The following GPSM1 variants were observed in gnomAD, a reference collection of about 807,000 sequenced individuals.
GPSM1 encodes G protein signaling modulator 1.
In GPSM1, 48 loss-of-function variants were observed where a neutral mutation model predicts 70.5. The ratio of observed to expected loss-of-function variants is 0.68; its 90% confidence interval spans 0.54 to 0.87. GPSM1 has a LOEUF of 0.87. GPSM1 is among the 40% of genes least tolerant of loss of function. GPSM1 has a pLI of 0.00. For missense variants in GPSM1, 981 were observed against 972.6 expected, an observed-to-expected ratio of 1.01 and a Z score of -0.11; for synonymous variants, 416 against 430.1, an observed-to-expected ratio of 0.97 and a Z score of 0.41.
At chr9:136,351,874 G>A (rs1324792907) in intron 11 of GPSM1, among the ~76,000 whole-genome samples, 1 of 152,258 alleles carries the variant, frequency 6.6e-6, no homozygotes, top group Non-Finnish European at 1.5e-5. Flanking sequence ...GTACCTCCGA[G>A]TAAGGACCGT....
intron 11 of GPSM1, chr9:136,353,203 A>C: frequency 1.4e-6 from 1 of 690,988 alleles, no homozygotes; most frequent in Non-Finnish European, 1.8e-6. Flanking sequence ...CTGAGGGAGC[A>C]CACGGGCCTC....
At chr9:136,329,943 G>A (rs1182034845) in intron 1 of GPSM1, among the ~76,000 whole-genome samples, 1 of 150,152 alleles carries the variant, frequency 6.7e-6, no homozygotes, top group Non-Finnish European at 1.5e-5. Flanking sequence ...GTGCTGGGTC[G>A]GTGGGGACGG....
In GPSM1 at chr9:136,340,112, G is replaced by A. The variant is rs1437417521; in HGVS notation, c.1083+297G>A. Among the ~76,000 whole-genome samples, 2 of 152,184 alleles carry A rather than the reference G, an allele frequency of 1.3e-5. No individual in the cohort carries two copies. Among genetic ancestry groups the A allele is most frequent in the East Asian group, 1.9e-4 (1 of 5,194 alleles). Reference sequence around the variant, plus strand: ...AGCGCCCTCCTACTGTGGTCAGGGCGGAACATCACAGATGAACTGTGGGCC... The same window carrying A: ...AGCGCCCTCCTACTGTGGTCAGGGCAGAACATCACAGATGAACTGTGGGCC... On this transcript the variant is annotated intron_variant, in intron 8 of 13. Coordinates refer to ENST00000440944, the MANE Select transcript of GPSM1 (RefSeq NM_001145638.3). The surrounding 1 kb of genome is among the most constrained non-coding windows in gnomAD (Gnocchi z 7.3).
At chr9:136,333,190 G>A (rs1276996486) in intron 1 of GPSM1, among the ~76,000 whole-genome samples, 7 of 152,308 alleles carry the variant, frequency 4.6e-5, no homozygotes, top group Middle Eastern at 3.4e-3. Flanking sequence ...CCCAAGCTGC[G>A]CCCTTGCTGA....
chr9:136,349,618 A>C lies in GPSM1; in HGVS notation c.1310A>C (p.Asp437Ala). 6.5e-7 allele frequency: 1 copy of C among 1,550,332 alleles called. No individual in the cohort carries two copies. Among genetic ancestry groups the C allele is most frequent in the Non-Finnish European group, 8.7e-7 (1 of 1,146,804 alleles). Residue 437 changes from aspartate to alanine, a missense_variant, in exon 11 of 14, where the codon GAC becomes GCC. Asp to Ala is a moderately radical substitution (Grantham distance 126). Coordinates refer to ENST00000440944, the MANE Select transcript of GPSM1 (RefSeq NM_001145638.3). Reference sequence around the variant, plus strand: ...AATGGAGACAGCCACCATTCAGGGGACTGGCGGGGGCCCAGCAGGGACTCG... The same window carrying C: ...AATGGAGACAGCCACCATTCAGGGGCCTGGCGGGGGCCCAGCAGGGACTCG... ...EQNGDSHHSG[D>A]WRGPSRDSLP...
chr9:136,337,395 G>A (rs782569792), intron 4 of GPSM1, 46 bp from the exon 5 acceptor site: 10 of 1,556,802 alleles, frequency 6.4e-6, no homozygotes, highest in Non-Finnish European at 8.7e-6. Context: ...GGGTGGGTGA[G>A]GACATGGGCT....
intron 9 of GPSM1, among the ~76,000 whole-genome samples, chr9:136,345,934 G>A (rs571649758): frequency 1.0e-3 from 154 of 152,306 alleles, no homozygotes; most frequent in African/African-American, 3.6e-3. Flanking sequence ...TGCACCACCC[G>A]AGGCTGGGGC....
At chr9:136,353,282 G>T (rs1249426408) in intron 11 of GPSM1, 2 of 179,412 alleles carry the variant, frequency 1.1e-5, no homozygotes, top group Non-Finnish European at 2.1e-5. Flanking sequence ...CTGGGCTTGT[G>T]CCAAAGCAAG....
rs782059485 is a variant in GPSM1, at chr9:136,327,713, G to C, written c.18G>C (p.Pro6=). 4,904 of 1,167,440 alleles carry C rather than the reference G, an allele frequency of 4.2e-3. 17 individuals are homozygous for C. Among genetic ancestry groups the C allele is most frequent in the Non-Finnish European group, 4.9e-3 (4,636 of 947,916 alleles). 72.3% of individuals were successfully genotyped at this position (1,167,440 alleles called of 1,614,324 possible). Residue 6 remains proline (P), a synonymous_variant, in exon 1 of 14, where the codon CCG becomes CCC. Transcript: ENST00000440944. MAGPA[P]PAADELPGPA... is the part of the protein sequence containing the mutation. ...CCCGACCCATGGCGGGCCCGGCCCC[G>C]CCCGCGGCCGACGAGCTCCCGGGCC...
rs782104546 is a variant in GPSM1, at chr9:136,336,957, G to A, written c.463G>A (p.Val155Met). Residue 155 changes from valine to methionine, a missense_variant, in exon 4 of 14, where the codon GTG becomes ATG. Coordinates refer to ENST00000440944, the MANE Select transcript of GPSM1 (RefSeq NM_001145638.3). ...EARALYNIGN[V>M]YHAKGKQLSW... ...GAGGGCCCTCTACAACATCGGGAAC[G>A]TGTACCACGCCAAAGGCAAGCAACT... 20 of 1,557,450 alleles carry A rather than the reference G, an allele frequency of 1.3e-5. No individual in the cohort carries two copies. The highest frequency in any genetic ancestry group is 9.6e-5 in the African/African-American group (7 of 73,258).
At chr9:136,332,839 C>CAAAAAAAAAA (rs150554566) in intron 1 of GPSM1, among the ~76,000 whole-genome samples, 1 of 66,070 alleles carries the variant, frequency 1.5e-5, no homozygotes, top group Non-Finnish European at 2.7e-5. Flanking sequence ...CCATCTCTAC[C>CAAAAAAAAAA]AAAAAAAAAA....
intron 11 of GPSM1, 54 bp from the exon 12 acceptor site, chr9:136,355,636 G>T: frequency 1.3e-6 from 2 of 1,565,680 alleles, no homozygotes; most frequent in Non-Finnish European, 1.7e-6. Context: ...CCCCGGTCTC[G>T]TCTGGGGGTC....
intron 1 of GPSM1, among the ~76,000 whole-genome samples, chr9:136,330,849 T>C (rs1832082143): frequency 6.6e-6 from 1 of 152,130 alleles, no homozygotes; most frequent in South Asian, 2.1e-4. Flanking sequence ...GGGTTCAGTC[T>C]GTTGACGAGG....
At position 136,338,651 on chromosome 9, in the gene GPSM1, C is replaced by T. The variant is rs781927366; in HGVS notation, c.915C>T (p.Tyr305=). 53 of 1,594,536 alleles carry T rather than the reference C, an allele frequency of 3.3e-5. No individual in the cohort carries two copies. The highest frequency in any genetic ancestry group is 2.5e-4 in the East Asian group (11 of 44,192). The change falls in exon 7 of 14, where the codon TAC becomes TAT. Residue 305 remains tyrosine (Y), a synonymous_variant. Coordinates refer to ENST00000440944, the MANE Select transcript of GPSM1 (RefSeq NM_001145638.3). ...LGNTYTLLQD[Y]ERAAEYHLRH... ...ACACCTACACGCTGCTGCAGGACTA[C>T]GAGCGCGCGGCCGAGTACCACCTGC...
intron 11 of GPSM1, among the ~76,000 whole-genome samples, chr9:136,352,628 A>G (rs1554772340): frequency 6.6e-6 from 1 of 152,246 alleles, no homozygotes; most frequent in Admixed American, 6.5e-5. Flanking sequence ...GCTGTGGGAC[A>G]GGAAGGGCCG....
intron 11 of GPSM1, chr9:136,353,015 C>A (rs1832713678): frequency 2.3e-6 from 2 of 861,236 alleles, no homozygotes; most frequent in Admixed American, 6.2e-5. Flanking sequence ...ATTTAAGCCT[C>A]AGGCATCCCA....
intron 11 of GPSM1, among the ~76,000 whole-genome samples, chr9:136,351,602 A>C (rs1349659845): frequency 7.2e-5 from 11 of 152,200 alleles, no homozygotes; most frequent in Non-Finnish European, 1.0e-4. Context: ...GGTCTGGGCC[A>C]GCAGGGCAAG....
Position 136,334,606 on chromosome 9 carries a change from C to T in GPSM1, c.228C>T (p.Tyr76=). Residue 76 remains tyrosine, a synonymous_variant, in exon 2 of 14, where the codon TAC becomes TAT. Transcript: ENST00000440944. ...SAIYSQLGNA[Y]FYLKEHGRAL... ...TCTACAGCCAGCTGGGCAACGCCTA[C>T]TTCTACCTGAAGGAGCACGGCCGGG... The T allele has an allele frequency of 2.5e-6, 4 of 1,613,306 alleles. No individual in the cohort carries two copies. Among genetic ancestry groups the T allele is most frequent in the Non-Finnish European group, 3.4e-6 (4 of 1,179,986 alleles).
At chr9:136,338,452 T>C in intron 6 of GPSM1, 103 bp from the exon 7 acceptor site, 2 of 1,131,620 alleles carry the variant, frequency 1.8e-6, no homozygotes, top group Non-Finnish European at 2.5e-6. Context: ...CCCAGTGGGA[T>C]TCCGGGGCAG....
Sources: gnomAD v4.1 joint callset for allele counts (sites outside exome capture counted in the v4.1 genomes callset) on GRCh38, gnomAD v4.1.1 for gene constraint, Gnocchi (gnomAD v3.1) non-coding constraint, MANE v1.5 for transcripts, NCBI Gene and HGNC (gene_info 2026-07-23, HGNC 2026-07-21) for gene names.